Variants in PLCXD3 observed in about 807,000 individuals in gnomAD.
The protein encoded by PLCXD3 is phosphatidylinositol specific phospholipase C X domain containing 3, also known as PI-PLC X domain-containing protein 3.
A neutral mutation model predicts 25.5 loss-of-function variants in PLCXD3; 19 were observed. The observed-to-expected ratio is 0.75, with a 90% CI of 0.52 to 1.09. The LOEUF is 1.09. PLCXD3 is among the 50% of genes least tolerant of loss of function. The pLI is 0.00. For missense variants in PLCXD3, 411 were observed against 388.1 expected (o/e 1.06, Z -0.50); for synonymous variants, 174 against 137.6 (o/e 1.26, Z -1.85).
intron 2 of PLCXD3, among the ~76,000 whole-genome samples, chr5:41,327,709 G>C (rs886898483): frequency 2.6e-5 from 4 of 152,108 alleles, no homozygotes; most frequent in Non-Finnish European, 5.9e-5. Context: ...TCTATTTATA[G>C]AATGGTCTAC....
chr5:41,468,861 A>G (rs1367971366), intron 1 of PLCXD3, among the ~76,000 whole-genome samples: 5 of 152,096 alleles, frequency 3.3e-5, no homozygotes, highest in African/African-American at 1.2e-4. Context: ...TATGAGTATG[A>G]CTTTTATTTC....
intron 1 of PLCXD3, among the ~76,000 whole-genome samples, chr5:41,468,009 C>CTTTTTTTTTT (rs145732089): frequency 1.9e-5 from 1 of 52,402 alleles, no homozygotes; most frequent in Non-Finnish European, 3.2e-5. Flanking sequence ...CAGCTTTATT[C>CTTTTTTTTTT]TTTTTTTTTT....
In PLCXD3 at chr5:41,320,317, A is replaced by G. The variant is rs567583276; in HGVS notation, c.813-6547T>C. On this transcript the variant is annotated intron_variant, in intron 2 of 2. Transcript: ENST00000377801. ...AGACACACCTAAAAACAAAAAAAAG[A>G]AAAAACAACAACTATAAGCCAATAT... 9.9e-5 allele frequency among the ~76,000 whole-genome samples: 15 copies of G among 152,272 alleles called. No individual in the cohort carries two copies. In the East Asian group the frequency reaches 2.3e-3, roughly 24 times the overall value.
At chr5:41,357,168 AC>A (rs1390874387) in intron 2 of PLCXD3, among the ~76,000 whole-genome samples, 4 of 152,252 alleles carry the variant, frequency 2.6e-5, no homozygotes, top group Admixed American at 2.6e-4. Flanking sequence ...CTTTCTCAGA[AC>A]AGTGCCTTGT....
chr5:41,426,557 T>C (rs1159868679), intron 1 of PLCXD3, among the ~76,000 whole-genome samples: 2 of 152,072 alleles, frequency 1.3e-5, no homozygotes, highest in East Asian at 3.9e-4. Context: ...ACAGTCTAAA[T>C]ATAATGTTTT....
intron 2 of PLCXD3, among the ~76,000 whole-genome samples, chr5:41,372,672 T>A (rs1745138655): frequency 6.6e-6 from 1 of 151,896 alleles, no homozygotes; most frequent in Non-Finnish European, 1.5e-5. Context: ...TTCTGAGAAA[T>A]AAAAATTAAA....
chr5:41,365,564 C>G (rs997088188), intron 2 of PLCXD3, among the ~76,000 whole-genome samples: 2 of 152,116 alleles, frequency 1.3e-5, no homozygotes, highest in African/African-American at 4.8e-5. Context: ...ACAGCACATT[C>G]TATGTTCTTG....
At chr5:41,357,820 A>T (rs1744660922) in intron 2 of PLCXD3, among the ~76,000 whole-genome samples, 1 of 152,192 alleles carries the variant, frequency 6.6e-6, no homozygotes, top group Non-Finnish European at 1.5e-5. Context: ...AAACCCCAAG[A>T]TATTTGTTGC....
At chr5:41,435,462 A>G (rs1156329195) in intron 1 of PLCXD3, among the ~76,000 whole-genome samples, 1 of 152,192 alleles carries the variant, frequency 6.6e-6, no homozygotes, top group African/African-American at 2.4e-5. Context: ...CACCACCCAC[A>G]TGGACACTGG....
chr5:41,423,923 C>T (rs1746888456), intron 1 of PLCXD3, among the ~76,000 whole-genome samples: 3 of 152,174 alleles, frequency 2.0e-5, no homozygotes, highest in African/African-American at 7.2e-5. Flanking sequence ...TACCCATCAC[C>T]TCACATAGTT....
intron 2 of PLCXD3, among the ~76,000 whole-genome samples, chr5:41,322,127 A>G (rs1194039100): frequency 1.3e-5 from 2 of 152,242 alleles, no homozygotes; most frequent in South Asian, 2.1e-4. Context: ...GATACAATCA[A>G]CAAAGTGAAG....
At chr5:41,473,423 T>C (rs1748208813) in intron 1 of PLCXD3, among the ~76,000 whole-genome samples, 1 of 151,750 alleles carries the variant, frequency 6.6e-6, no homozygotes, top group South Asian at 2.1e-4. Context: ...GCAAAAGTAA[T>C]TGCAGTTTTG....
At chr5:41,332,450 G>A (rs1027943790) in intron 2 of PLCXD3, among the ~76,000 whole-genome samples, 7 of 152,146 alleles carry the variant, frequency 4.6e-5, no homozygotes, top group African/African-American at 1.7e-4. Context: ...AACAACAGGT[G>A]CTGGAGAGGA....
chr5:41,432,110 C>T (rs1185938962), intron 1 of PLCXD3, among the ~76,000 whole-genome samples: 1 of 152,080 alleles, frequency 6.6e-6, no homozygotes, highest in Non-Finnish European at 1.5e-5. Flanking sequence ...GACAAGGGAC[C>T]CAGCTTTTTC....
chr5:41,478,022 G>A (rs1193306960), intron 1 of PLCXD3, among the ~76,000 whole-genome samples: 1 of 152,174 alleles, frequency 6.6e-6, no homozygotes, highest in Non-Finnish European at 1.5e-5. Context: ...ATGGCTTAGG[G>A]ACATAGAAAA....
At chr5:41,362,097 C>A (rs1341389878) in intron 2 of PLCXD3, among the ~76,000 whole-genome samples, 1 of 152,226 alleles carries the variant, frequency 6.6e-6, no homozygotes, top group Non-Finnish European at 1.5e-5. Context: ...CAGTGACACT[C>A]TTTGGAAGCC....
At chr5:41,488,638 G>A (rs1748576715) in intron 1 of PLCXD3, among the ~76,000 whole-genome samples, 1 of 146,380 alleles carries the variant, frequency 6.8e-6, no homozygotes, top group African/African-American at 2.7e-5. Context: ...GTGTGAGCTG[G>A]TATCTCATTG....
At chr5:41,373,252 C>T (rs1034480622) in intron 2 of PLCXD3, among the ~76,000 whole-genome samples, 1 of 152,076 alleles carries the variant, frequency 6.6e-6, no homozygotes, top group East Asian at 1.9e-4. Flanking sequence ...GACAGCAAAT[C>T]GTAGACTGGT....
At chr5:41,359,322 T>G (rs1744709156) in intron 2 of PLCXD3, among the ~76,000 whole-genome samples, 1 of 152,176 alleles carries the variant, frequency 6.6e-6, no homozygotes, top group Non-Finnish European at 1.5e-5. Flanking sequence ...TCTGAGAGAA[T>G]TCAGCTGTGA....
Sources: gnomAD v4.1 joint callset for allele counts (sites outside exome capture counted in the v4.1 genomes callset) on GRCh38, gnomAD v4.1.1 for gene constraint, MANE v1.5 for transcripts, NCBI Gene and HGNC (gene_info 2026-07-23, HGNC 2026-07-21) for gene names.